VPS13D: variants seen among roughly 807,000 people sequenced by gnomAD.
VPS13D encodes the protein intermembrane lipid transfer protein VPS13D.
VPS13D carries 187 observed loss-of-function variants against 461.9 expected under a neutral mutation model. That is an observed-to-expected ratio of 0.40 (90% CI 0.36 to 0.46). VPS13D has a LOEUF of 0.46. Ranked by LOEUF, VPS13D falls within the 20% of genes least tolerant of loss-of-function variation. The pLI is 0.60. For synonymous variants in VPS13D, 1,951 were observed against 1,986.3 expected, an observed-to-expected ratio of 0.98 and a Z score of 0.47; for missense variants, 4,711 against 5,364.9, an observed-to-expected ratio of 0.88 and a Z score of 3.81.
rs754388993 is a variant in VPS13D, at chr1:12,348,993, C to T, written c.9220+20C>T. 4 of 1,613,918 alleles carry T rather than the reference C, an allele frequency of 2.5e-6. No individual in the cohort carries two copies. The highest frequency in any genetic ancestry group is 3.3e-5 in the Admixed American group (2 of 60,002). ...CAGACAGTATGTTTTGATTGTCTAG[C>T]ATATAGTAAATGCTGATAAATACTT... is the stretch of plus-strand genomic sequence containing the variant. On this transcript the variant is annotated intron_variant, in intron 45 of 69. Transcript: ENST00000620676.
chr1:12,356,570 G>A (rs554362095), intron 49 of VPS13D, 46 bp downstream of exon 49: 219 of 1,597,908 alleles, frequency 1.4e-4, no homozygotes, highest in South Asian at 1.1e-3. Flanking sequence ...TCCCAGGGAA[G>A]GGAAGAAATT....
At chr1:12,237,147 G>GTGTA (rs1553168403) in intron 2 of VPS13D, among the ~76,000 whole-genome samples, 2 of 151,616 alleles carry the variant, frequency 1.3e-5, no homozygotes, top group Admixed American at 1.3e-4. Context: ...ATGTGTGTGT[G>GTGTA]TATATATATG....
chr1:12,331,572 C>T (rs1016495432), intron 37 of VPS13D, among the ~76,000 whole-genome samples: 2 of 151,434 alleles, frequency 1.3e-5, no homozygotes, highest in South Asian at 4.2e-4. Flanking sequence ...ATTAGCCGGG[C>T]GTGGTGGTGG....
chr1:12,362,776 G>GC lies in VPS13D; in HGVS notation c.10204dup (p.Arg3402ProfsTer6). ...CATTGATACCTGCATGGTCATCTTT[G>GC]CCCCCCGTTACCTGTTAGATAATAA... On this transcript the variant is annotated frameshift_variant, in exon 51 of 70. Transcript: ENST00000620676. LOFTEE classifies it high-confidence loss of function. The GC allele has an allele frequency of 3.7e-6, 6 of 1,614,172 alleles. No individual in the cohort carries two copies. The highest frequency in any genetic ancestry group is 1.1e-5 in the South Asian group (1 of 91,068).
At chr1:12,330,705 TAC>T (rs1643308019) in intron 37 of VPS13D, among the ~76,000 whole-genome samples, 1 of 152,054 alleles carries the variant, frequency 6.6e-6, no homozygotes, top group Admixed American at 6.6e-5. Flanking sequence ...TAGCTGGGAT[TAC>T]AGGCGCTTGC....
chr1:12,348,258 G>A (rs1643719189), intron 44 of VPS13D, among the ~76,000 whole-genome samples: 1 of 152,194 alleles, frequency 6.6e-6, no homozygotes, highest in African/African-American at 2.4e-5. Flanking sequence ...CCAAGCCATT[G>A]TTTGGATATT....
At chr1:12,310,628 TA>T (rs1355631768) in intron 27 of VPS13D, among the ~76,000 whole-genome samples, 1 of 152,238 alleles carries the variant, frequency 6.6e-6, no homozygotes, top group Non-Finnish European at 1.5e-5. Flanking sequence ...TCCAAAGAGT[TA>T]AATAAAGATC....
chr1:12,241,638 G>A (rs1045497152), intron 2 of VPS13D, among the ~76,000 whole-genome samples: 10 of 152,178 alleles, frequency 6.6e-5, no homozygotes, highest in South Asian at 6.2e-4. Flanking sequence ...TCGGGTTTAA[G>A]TCATAAAAGT....
In VPS13D at chr1:12,447,397, G is replaced by T. The variant is rs560750723; in HGVS notation, c.12334-8601G>T. ...TACTACCTCACAGGATTGTTGTGAG[G>T]ATTAAGCTAGTTAAATATTTCATTG... On this transcript the variant is annotated intron_variant, in intron 65 of 69. Transcript: ENST00000620676. Among the ~76,000 whole-genome samples, 3 of 152,128 alleles carry T rather than the reference G, an allele frequency of 2.0e-5. No homozygotes were observed. The South Asian group carries it at 6.2e-4, about 32-fold the overall frequency.
chr1:12,278,689 G>C (rs1175879157), intron 19 of VPS13D, among the ~76,000 whole-genome samples: 1 of 152,200 alleles, frequency 6.6e-6, no homozygotes, highest in East Asian at 1.9e-4. Context: ...AAATATATCT[G>C]ATTTTCTGTT....
chr1:12,318,622 A>G (rs932589013), intron 31 of VPS13D, among the ~76,000 whole-genome samples: 2 of 151,870 alleles, frequency 1.3e-5, no homozygotes, highest in African/African-American at 4.8e-5. Context: ...TTTCCAGTGT[A>G]CAGTCTGTCT....
At chr1:12,448,520 C>T (rs1645222473) in intron 65 of VPS13D, among the ~76,000 whole-genome samples, 1 of 152,086 alleles carries the variant, frequency 6.6e-6, no homozygotes, top group Non-Finnish European at 1.5e-5. Context: ...CATAAGCATA[C>T]CCCCCTTCTG....
intron 65 of VPS13D, among the ~76,000 whole-genome samples, chr1:12,449,273 G>C (rs1645231875): frequency 6.6e-6 from 1 of 151,964 alleles, no homozygotes; most frequent in East Asian, 1.9e-4. Flanking sequence ...TTGCCTTAAG[G>C]GCTATACATA....
At chr1:12,351,961 T>G (rs1275749960) in intron 46 of VPS13D, among the ~76,000 whole-genome samples, 2 of 151,758 alleles carry the variant, frequency 1.3e-5, no homozygotes, top group Admixed American at 1.3e-4. Flanking sequence ...TAGCTTAATA[T>G]TTGAAAATCA....
Position 12,383,174 on chromosome 1 carries a change from AGCT to A in VPS13D, c.11370+21_11370+23del. ...ACTCCAGGTGATAATTTGTCATAAG[AGCT>A]GATGTGAAACTCTGTACTTCCTCCA... On this transcript the variant is annotated intron_variant, in intron 58 of 69. Transcript: ENST00000620676. 1 of 1,600,640 alleles carries A rather than the reference AGCT, an allele frequency of 6.2e-7. No homozygotes were observed. Among genetic ancestry groups the A allele is most frequent in the Non-Finnish European group, 8.5e-7 (1 of 1,173,892 alleles).
chr1:12,399,024 C>G (rs1428687948), intron 60 of VPS13D, among the ~76,000 whole-genome samples: 1 of 152,138 alleles, frequency 6.6e-6, no homozygotes, highest in Non-Finnish European at 1.5e-5. Flanking sequence ...AGGATGGCAG[C>G]AAACCCTTAG....
At chr1:12,353,283 C>T (rs1018431503) in intron 46 of VPS13D, among the ~76,000 whole-genome samples, 3 of 151,998 alleles carry the variant, frequency 2.0e-5, no homozygotes, top group Admixed American at 1.3e-4. Flanking sequence ...CGTGTAATCC[C>T]AGCATTTTGG....
At chr1:12,309,327 C>T (rs868867021) in intron 27 of VPS13D, among the ~76,000 whole-genome samples, 6 of 151,256 alleles carry the variant, frequency 4.0e-5, no homozygotes, top group Non-Finnish European at 8.8e-5. Context: ...TCTCCTTCCT[C>T]AGCCTCCCAA....
rs577891710 is a variant in VPS13D at position 12,343,645 on chromosome 1, G to C, written c.8885+594G>C. 1.4e-4 allele frequency among the ~76,000 whole-genome samples: 21 copies of C among 152,310 alleles called. No homozygotes were observed. The South Asian group carries it at 3.9e-3, about 29-fold the overall frequency. On this transcript the variant is annotated intron_variant, in intron 42 of 69. Coordinates refer to ENST00000620676, the MANE Select transcript of VPS13D (RefSeq NM_015378.4). ...TCACCTCGGCCTCCCAAAGTGCTGGGATTACAGGCGTGAGCCACTGCACCC... is the reference window on the plus strand; with the variant it reads ...TCACCTCGGCCTCCCAAAGTGCTGGCATTACAGGCGTGAGCCACTGCACCC...
Sources: gnomAD v4.1 joint callset for allele counts (sites outside exome capture counted in the v4.1 genomes callset) on GRCh38, gnomAD v4.1.1 for gene constraint, MANE v1.5 for transcripts, NCBI Gene and HGNC (gene_info 2026-07-23, HGNC 2026-07-21) for gene names.